Variants in PRKD1 observed in about 807,000 individuals in gnomAD.
The protein encoded by PRKD1 is serine/threonine-protein kinase D1.
PRKD1 carries 63 observed loss-of-function variants against 95.9 expected under a neutral mutation model. The observed-to-expected ratio is 0.66, with a 90% confidence interval of 0.54 to 0.81. PRKD1 has a LOEUF of 0.81. Among genes scored for constraint, PRKD1 ranks in the 30% least tolerant of loss-of-function variants. The pLI, the probability that PRKD1 is intolerant of heterozygous loss-of-function variation, is 0.00. For missense variants in PRKD1, 1,048 were observed against 1,165.3 expected (o/e 0.90, Z 1.47); for synonymous variants, 425 against 423.1 (o/e 1.00, Z -0.05).
At chr14:29,789,762 C>G in intron 1 of PRKD1, among the ~76,000 whole-genome samples, 2 of 152,128 alleles carry the variant, frequency 1.3e-5, no homozygotes, top group South Asian at 4.2e-4. Flanking sequence ...GTCAGGCCCC[C>G]GGACAGGAAG....
intron 13 of PRKD1, among the ~76,000 whole-genome samples, chr14:29,604,949 C>T (rs796695470): frequency 2.7e-4 from 41 of 152,260 alleles, no homozygotes; most frequent in Middle Eastern, 3.4e-3. Flanking sequence ...AGTATTTCTT[C>T]GCTTGGCAAA....
At chr14:29,618,455 C>T (rs1276383624) in intron 13 of PRKD1, among the ~76,000 whole-genome samples, 2 of 152,026 alleles carry the variant, frequency 1.3e-5, no homozygotes, top group African/African-American at 2.4e-5. Flanking sequence ...GGGGTTTCAC[C>T]GTGTTGGCCA....
intron 4 of PRKD1, among the ~76,000 whole-genome samples, chr14:29,653,881 T>C (rs539068946): frequency 8.9e-4 from 136 of 152,250 alleles, no homozygotes; most frequent in African/African-American, 3.1e-3. Context: ...AATTAATATA[T>C]GAAAAGCCTT....
intron 1 of PRKD1, among the ~76,000 whole-genome samples, chr14:29,912,823 T>C (rs1271120253): frequency 1.3e-5 from 2 of 152,248 alleles, no homozygotes; most frequent in East Asian, 3.8e-4. Flanking sequence ...TAAGTCCATG[T>C]ATTTTGCCTT....
chr14:29,868,376 G>A (rs1892983458), intron 1 of PRKD1, among the ~76,000 whole-genome samples: 1 of 152,144 alleles, frequency 6.6e-6, no homozygotes, highest in Non-Finnish European at 1.5e-5. Flanking sequence ...TGCAAAAGAT[G>A]TCTCTTCTGA....
intron 1 of PRKD1, among the ~76,000 whole-genome samples, chr14:29,920,884 G>C (rs941212797): frequency 1.3e-5 from 2 of 152,106 alleles, no homozygotes; most frequent in Non-Finnish European, 2.9e-5. Flanking sequence ...GCTATCATCA[G>C]ATGGAACAAT....
rs58908662 is a variant in PRKD1 at position 29,734,028 on chromosome 14, C to CTTTTTTTTTTTTTTTT, written c.265-8370_265-8355dup. ...CTGGTTTTGAGTCATACTTTCCTGC[C>CTTTTTTTTTTTTTTTT]TTTTTTTTTTTTTTTTTTTTTTTTT... On this transcript the variant is annotated intron_variant, in intron 1 of 17. Coordinates refer to ENST00000331968, the MANE Select transcript of PRKD1 (RefSeq NM_002742.3). Among the ~76,000 whole-genome samples, 24 of 64,670 alleles carry CTTTTTTTTTTTTTTTT rather than the reference C, an allele frequency of 3.7e-4. 2 individuals are homozygous for CTTTTTTTTTTTTTTTT. Among genetic ancestry groups the CTTTTTTTTTTTTTTTT allele is most frequent in the African/African-American group, 9.4e-4 (12 of 12,728 alleles). The allele number at this position is 64,670 out of a possible 152,430, so 42.4% of individuals were successfully genotyped here. A position where few individuals can be genotyped will look rare whatever the true frequency, so the allele number is the denominator to read the frequency against.
At chr14:29,599,314 T>G (rs908719761) in intron 14 of PRKD1, among the ~76,000 whole-genome samples, 189 bp from the exon 15 acceptor site, 1 of 152,208 alleles carries the variant, frequency 6.6e-6, no homozygotes, top group African/African-American at 2.4e-5. Context: ...TATGATGGTA[T>G]TCATACAGCG....
intron 2 of PRKD1, among the ~76,000 whole-genome samples, chr14:29,701,178 T>A (rs1405807881): frequency 6.6e-6 from 1 of 152,218 alleles, no homozygotes; most frequent in Non-Finnish European, 1.5e-5. Context: ...CAAAGTTTTA[T>A]CTAAAACTGA....
intron 4 of PRKD1, among the ~76,000 whole-genome samples, chr14:29,646,289 A>G (rs1159000220): frequency 1.3e-5 from 2 of 152,140 alleles, no homozygotes; most frequent in Non-Finnish European, 2.9e-5. Flanking sequence ...GTGCAAAAAA[A>G]TAGCACAGTG....
chr14:29,888,923 C>A (rs1247804299), intron 1 of PRKD1, among the ~76,000 whole-genome samples: 1 of 152,178 alleles, frequency 6.6e-6, no homozygotes, highest in East Asian at 1.9e-4. Flanking sequence ...TAAAGCTGGG[C>A]AAAGCTAGCT....
At chr14:29,916,501 A>G (rs974612395) in intron 1 of PRKD1, among the ~76,000 whole-genome samples, 3 of 152,210 alleles carry the variant, frequency 2.0e-5, no homozygotes, top group African/African-American at 7.2e-5. Context: ...AACTGACACC[A>G]TTCCCCAACT....
Position 29,599,731 on chromosome 14 carries a change from T to C in PRKD1, c.1992A>G (p.Gly664=), listed in dbSNP as rs1232275160. ...TTGACAAGATCATTTCCAGCATGTCTCCATGGAGTTTTTCCATAACAACAA... is the reference window on the plus strand; with the variant it reads ...TTGACAAGATCATTTCCAGCATGTCCCCATGGAGTTTTTCCATAACAACAA... The part of the protein sequence containing the change: ...RVFVVMEKLH[G]DMLEMILSSE... The change falls in exon 14 of 18, where the codon GGA becomes GGG. Residue 664 remains glycine (G), a synonymous_variant. Transcript: ENST00000331968. The C allele has an allele frequency of 2.5e-6, 4 of 1,613,482 alleles. No individual in the cohort carries two copies. The highest frequency in any genetic ancestry group is 3.4e-6 in the Non-Finnish European group (4 of 1,179,730).
chr14:29,835,139 C>T (rs1447004168), intron 1 of PRKD1, among the ~76,000 whole-genome samples: 2 of 148,226 alleles, frequency 1.3e-5, no homozygotes, highest in Non-Finnish European at 3.0e-5. Context: ...TGTACTCATG[C>T]TGTGAATGCT....
intron 1 of PRKD1, among the ~76,000 whole-genome samples, chr14:29,837,454 C>T (rs1212805430): frequency 1.3e-5 from 2 of 152,100 alleles, no homozygotes; most frequent in African/African-American, 4.8e-5. Context: ...TTTAAAGAAG[C>T]TTACTATTTA....
Position 29,632,819 on chromosome 14 carries a change from T to A in PRKD1, c.1392+50A>T, listed in dbSNP as rs1209180. 8,499 of 1,507,164 alleles carry A rather than the reference T, an allele frequency of 5.6e-3. 403 individuals carry two copies. In the African/African-American group the frequency reaches 0.1, roughly 19 times the overall value. 93.4% of individuals were successfully genotyped at this position (1,507,164 alleles called of 1,614,324 possible). On this transcript the variant is annotated intron_variant, in intron 9 of 17. Coordinates refer to ENST00000331968, the MANE Select transcript of PRKD1 (RefSeq NM_002742.3). ...CTATTTCTTATACTCTACATTCCCATGAAAAAGCAATAAGAGGTATGAAAC... is the reference window on the plus strand; with the variant it reads ...CTATTTCTTATACTCTACATTCCCAAGAAAAAGCAATAAGAGGTATGAAAC...
chr14:29,901,175 A>G (rs559775392), intron 1 of PRKD1, among the ~76,000 whole-genome samples: 1 of 152,340 alleles, frequency 6.6e-6, no homozygotes, highest in East Asian at 1.9e-4. Context: ...GAATGGAATC[A>G]TGTCCTTTGC....
chr14:29,651,497 T>A (rs1281892845), intron 4 of PRKD1, among the ~76,000 whole-genome samples: 8 of 152,084 alleles, frequency 5.3e-5, no homozygotes. Flanking sequence ...GTCTAAGGGG[T>A]TCAGTAAAAT....
intron 1 of PRKD1, among the ~76,000 whole-genome samples, chr14:29,745,036 T>G (rs1887148557): frequency 6.6e-6 from 1 of 152,270 alleles, no homozygotes; most frequent in Admixed American, 6.5e-5. Flanking sequence ...AATTCCACCT[T>G]AGGGCCTTTG....
Sources: gnomAD v4.1 joint callset for allele counts (sites outside exome capture counted in the v4.1 genomes callset) on GRCh38, gnomAD v4.1.1 for gene constraint, MANE v1.5 for transcripts, NCBI Gene and HGNC (gene_info 2026-07-23, HGNC 2026-07-21) for gene names.